The following DDC variants were observed in gnomAD, a reference collection of about 807,000 sequenced individuals.
The protein encoded by DDC is dopa decarboxylase.
DDC carries 43 observed loss-of-function variants against 60.0 expected under a neutral mutation model. That is an observed-to-expected ratio of 0.72 (90% CI 0.56 to 0.92). The LOEUF (loss-of-function observed/expected upper bound fraction) is 0.92. Ranked by LOEUF, DDC falls within the 40% of genes least tolerant of loss-of-function variation. The pLI is 0.00. For synonymous variants in DDC, 232 were observed against 234.6 expected, an observed-to-expected ratio of 0.99 and a Z score of 0.10; for missense variants, 573 against 620.2, an observed-to-expected ratio of 0.92 and a Z score of 0.81.
At chr7:50,463,177 A>G (rs1207008901) in intron 14 of DDC, 36 bp downstream of exon 14, 4 of 1,530,992 alleles carry the variant, frequency 2.6e-6, no homozygotes, top group Non-Finnish European at 3.5e-6. Flanking sequence ...CCACGGGACA[A>G]GGAGACAGGC....
chr7:50,516,617 C>A (rs2153543075), intron 6 of DDC, among the ~76,000 whole-genome samples: 1 of 151,268 alleles, frequency 6.6e-6, no homozygotes, highest in South Asian at 2.1e-4. Context: ...AAAAAAAATA[C>A]AAAAGATAAA....
At chr7:50,470,805 C>T (rs901814931) in intron 11 of DDC, among the ~76,000 whole-genome samples, 1 of 152,202 alleles carries the variant, frequency 6.6e-6, no homozygotes, top group Non-Finnish European at 1.5e-5. Flanking sequence ...GACCGGCCCC[C>T]ACACACTGAG....
intron 7 of DDC, among the ~76,000 whole-genome samples, chr7:50,499,959 GATGAA>G (rs1204988376): frequency 5.3e-5 from 8 of 152,202 alleles, no homozygotes; most frequent in Non-Finnish European, 1.2e-4. Flanking sequence ...GGAAGATGGA[GATGAA>G]ATAGTACCCA....
chr7:50,471,079 G>A (rs1221529656), intron 11 of DDC, among the ~76,000 whole-genome samples: 3 of 152,196 alleles, frequency 2.0e-5, no homozygotes, highest in African/African-American at 7.2e-5. Flanking sequence ...CAGTAGGAGG[G>A]CTTGCAGGTG....
intron 1 of DDC, among the ~76,000 whole-genome samples, chr7:50,544,455 T>A (rs191508596): frequency 5.1e-4 from 77 of 152,316 alleles, no homozygotes; most frequent in Admixed American, 1.6e-3. Flanking sequence ...TGCCCTTACC[T>A]GCCTTTGAAA....
At chr7:50,552,550 C>T (rs1183339539) in intron 1 of DDC, among the ~76,000 whole-genome samples, 1 of 152,158 alleles carries the variant, frequency 6.6e-6, no homozygotes, top group Non-Finnish European at 1.5e-5. Flanking sequence ...AAGAGATGGA[C>T]TCCCCTGAAC....
rs747387124 is a variant in DDC at position 50,543,890 on chromosome 7, G to A, written c.196C>T (p.Pro66Ser). Reference sequence around the variant, plus strand: ...GACCTTGGATACACACTTACCCCAGGCATGATTATCTTCTCAACGTCGTTG... The same window carrying A: ...GACCTTGGATACACACTTACCCCAGACATGATTATCTTCTCAACGTCGTTG... ...IINDVEKIIM[P>S]GVTHWHSPYF... Residue 66 changes from proline to serine, a missense_variant, in exon 2 of 15, where the codon CCT becomes TCT. Physicochemically the swap from Pro to Ser is moderately conservative, Grantham distance 74. Transcript: ENST00000444124. The A allele has an allele frequency of 1.9e-6, 3 of 1,613,978 alleles. No individual in the cohort carries two copies. In the South Asian group the frequency reaches 3.3e-5, roughly 18 times the overall value.
chr7:50,497,122 G>A (rs1055044594), intron 8 of DDC, among the ~76,000 whole-genome samples: 2 of 152,168 alleles, frequency 1.3e-5, no homozygotes, highest in African/African-American at 4.8e-5. Context: ...CCTGCCAACC[G>A]GAGAGAAAGG....
At chr7:50,492,476 T>C (rs2043017669) in intron 9 of DDC, among the ~76,000 whole-genome samples, 2 of 152,180 alleles carry the variant, frequency 1.3e-5, no homozygotes, top group Admixed American at 6.5e-5. Context: ...GCACATTCTC[T>C]ATTGCAATTT....
chr7:50,463,080 T>G, intron 14 of DDC, 133 bp downstream of exon 14: 1 of 760,742 alleles, frequency 1.3e-6, no homozygotes, highest in South Asian at 1.6e-5. Flanking sequence ...CTCTTCCTTA[T>G]TTTAAGGTGA....
chr7:50,502,789 G>A (rs1022073878), intron 7 of DDC, among the ~76,000 whole-genome samples: 1 of 152,218 alleles, frequency 6.6e-6, no homozygotes, highest in African/African-American at 2.4e-5. Context: ...CATTTTCCCT[G>A]CATTAATTTA....
At chr7:50,555,857 G>C (rs2045167792) in intron 1 of DDC, among the ~76,000 whole-genome samples, 1 of 152,130 alleles carries the variant, frequency 6.6e-6, no homozygotes, top group South Asian at 2.1e-4. Context: ...CTGCAGTCTG[G>C]CTCCTGAAGG....
At chr7:50,527,164 C>G (rs1414254673) in intron 6 of DDC, among the ~76,000 whole-genome samples, 1 of 152,118 alleles carries the variant, frequency 6.6e-6, no homozygotes, top group Non-Finnish European at 1.5e-5. Context: ...GGAATGTTGC[C>G]TTTTTGCTTA....
At chr7:50,513,174 C>T (rs943739431) in intron 6 of DDC, among the ~76,000 whole-genome samples, 6 of 152,148 alleles carry the variant, frequency 3.9e-5, no homozygotes, top group East Asian at 1.9e-4. Flanking sequence ...GCTGCAGAAG[C>T]GGGAAAGGGA....
chr7:50,471,424 G>T (rs1201631321), intron 11 of DDC, among the ~76,000 whole-genome samples: 9 of 152,120 alleles, frequency 5.9e-5, no homozygotes, highest in African/African-American at 2.2e-4. Flanking sequence ...GAATGAACAG[G>T]TGGCAACTGC....
intron 6 of DDC, among the ~76,000 whole-genome samples, chr7:50,522,833 G>C (rs927509702): frequency 1.3e-5 from 2 of 152,136 alleles, no homozygotes; most frequent in Non-Finnish European, 2.9e-5. Context: ...AGCATGGCTG[G>C]GGGGGCCTCC....
At chr7:50,525,941 A>T (rs961355632) in intron 6 of DDC, among the ~76,000 whole-genome samples, 3 of 151,990 alleles carry the variant, frequency 2.0e-5, no homozygotes, top group African/African-American at 7.3e-5. Context: ...CATAAGAGAT[A>T]TATGGCAGTC....
chr7:50,459,229 G>A (rs929837892), intron 14 of DDC, among the ~76,000 whole-genome samples: 1 of 152,260 alleles, frequency 6.6e-6, no homozygotes, highest in Non-Finnish European at 1.5e-5. Flanking sequence ...GAGGTGCCGG[G>A]ATTGCAGACG....
At chr7:50,495,277 G>A in intron 9 of DDC, 73 bp downstream of exon 9, 1 of 1,148,064 alleles carries the variant, frequency 8.7e-7, no homozygotes, top group Non-Finnish European at 1.3e-6. Context: ...CTTTGGCTCT[G>A]GCATCTTCCC....
Sources: allele counts gnomAD v4.1 joint callset (sites outside exome capture counted in the v4.1 genomes callset), GRCh38; gene constraint gnomAD v4.1.1; transcripts MANE v1.5; gene names NCBI Gene and HGNC (gene_info 2026-07-23, HGNC 2026-07-21).